The following PCDHGB6 variants were observed in gnomAD, a reference collection of about 807,000 sequenced individuals.
The protein encoded by PCDHGB6 is protocadherin gamma subfamily B, 6.
Under a neutral mutation model 59.1 loss-of-function variants are expected in PCDHGB6, and 51 were observed. The ratio of observed to expected loss-of-function variants is 0.86; its 90% CI spans 0.69 to 1.09. The LOEUF is 1.09. Among genes scored for constraint, PCDHGB6 ranks in the 50% least tolerant of loss-of-function variants. PCDHGB6 has a pLI of 0.00. For synonymous variants in PCDHGB6, 466 were observed against 495.1 expected, an observed-to-expected ratio of 0.94 and a Z score of 0.78; for missense variants, 1,148 against 1,205.1, an observed-to-expected ratio of 0.95 and a Z score of 0.70.
intron 1 of PCDHGB6, among the ~76,000 whole-genome samples, chr5:141,450,829 A>ATTTT (rs373424450): frequency 2.2e-4 from 30 of 135,142 alleles, no homozygotes; most frequent in African/African-American, 6.3e-4. Flanking sequence ...TATTATTATT[A>ATTTT]TTTTTTTTTT....
At chr5:141,420,237 C>A in intron 1 of PCDHGB6, 1 of 1,595,672 alleles carries the variant, frequency 6.3e-7, no homozygotes, top group Non-Finnish European at 8.6e-7. Context: ...AGCATTTTAA[C>A]TCCCAGCGTT....
chr5:141,452,172 T>G (rs1338447268), intron 1 of PCDHGB6, among the ~76,000 whole-genome samples: 1 of 152,206 alleles, frequency 6.6e-6, no homozygotes, highest in Non-Finnish European at 1.5e-5. Flanking sequence ...TTACTAACAT[T>G]TTTTATTTTG....
rs529966095 is a variant in PCDHGB6 at position 141,499,776 on chromosome 5, TC to T, written c.2477+4914del. 3.7e-3 allele frequency among the ~76,000 whole-genome samples: 528 copies of T among 141,410 alleles called. 6 individuals carry two copies. Among genetic ancestry groups the T allele is most frequent in the Non-Finnish European group, 4.2e-3 (282 of 66,550 alleles). The allele number at this position is 141,410 out of a possible 152,430, so 92.8% of individuals were successfully genotyped here. ...ATCTCAGCTCACTGCAGCCTTCGCCTCCCGGGTTCAAGCAATTCTCATGCTT... is the reference window on the plus strand; with the variant it reads ...ATCTCAGCTCACTGCAGCCTTCGCCTCCGGGTTCAAGCAATTCTCATGCTT... On this transcript the variant is annotated intron_variant, in intron 2 of 3. Coordinates refer to ENST00000520790, the MANE Select transcript of PCDHGB6 (RefSeq NM_018926.3).
At chr5:141,508,824 G>T (rs893436748) in intron 3 of PCDHGB6, among the ~76,000 whole-genome samples, 1 of 151,952 alleles carries the variant, frequency 6.6e-6, no homozygotes, top group Non-Finnish European at 1.5e-5. Context: ...CCAGATCTGG[G>T]CCCCCCTCCC....
intron 2 of PCDHGB6, among the ~76,000 whole-genome samples, chr5:141,496,189 G>A (rs1362938002): frequency 1.3e-5 from 2 of 152,004 alleles, no homozygotes; most frequent in Admixed American, 6.6e-5. Flanking sequence ...AGCCCCAGCT[G>A]CTCATTTCAA....
chr5:141,486,153 C>A lies in PCDHGB6; in HGVS notation c.2419-8654C>A, dbSNP rs1330257915. On this transcript the variant is annotated intron_variant, in intron 1 of 3. Coordinates refer to ENST00000520790, the MANE Select transcript of PCDHGB6 (RefSeq NM_018926.3). This position sits in a 1 kb window ranked among gnomAD's most constrained non-coding sequence, Gnocchi z 5.0. ...GATGTGCGGGCTCGCGATGGGGGTTCTCCAGCCATGGAGCAACATTGCAGC... is the reference window on the plus strand; with the variant it reads ...GATGTGCGGGCTCGCGATGGGGGTTATCCAGCCATGGAGCAACATTGCAGC... 6.2e-7 allele frequency: 1 copy of A among 1,614,202 alleles called. No individual in the cohort carries two copies. The highest frequency in any genetic ancestry group is 1.7e-5 in the Admixed American group (1 of 60,022).
rs909255357 is a variant in PCDHGB6 at position 141,489,178 on chromosome 5, C to A, written c.2419-5629C>A. 5 of 1,234,744 alleles carry A rather than the reference C, an allele frequency of 4.0e-6. No individual in the cohort carries two copies. The highest frequency in any genetic ancestry group is 2.3e-5 in the Admixed American group (1 of 42,922). The allele number at this position is 1,234,744 out of a possible 1,614,324, so 76.5% of individuals were successfully genotyped here. Reference sequence around the variant, plus strand: ...GAGACTTCAGCTGCTGCATTCCAAGCCCTGGGTCTACCTTGGAGACAGGAC... The same window carrying A: ...GAGACTTCAGCTGCTGCATTCCAAGACCTGGGTCTACCTTGGAGACAGGAC... On this transcript the variant is annotated intron_variant, in intron 1 of 3. Transcript: ENST00000520790. This position sits in a 1 kb window ranked among gnomAD's most constrained non-coding sequence, Gnocchi z 4.5.
chr5:141,428,446 T>C lies in PCDHGB6; in HGVS notation c.2418+17826T>C, dbSNP rs575475897. On this transcript the variant is annotated intron_variant, in intron 1 of 3. Coordinates refer to ENST00000520790, the MANE Select transcript of PCDHGB6 (RefSeq NM_018926.3). The stretch of plus-strand genomic sequence containing the variant: ...CTGTTCTAAGACTAGACCAGGGGTT[T>C]TTCCCAACTACAATGAGGGAACTTT... 4.2e-5 allele frequency: 16 copies of C among 378,218 alleles called. No homozygotes were observed. The East Asian group carries it at 8.8e-4, about 21-fold the overall frequency. 23.4% of individuals were successfully genotyped at this position (378,218 alleles called of 1,614,324 possible). A position where few individuals can be genotyped will look rare whatever the true frequency, so the allele number is the denominator to read the frequency against.
chr5:141,476,366 G>T lies in PCDHGB6; in HGVS notation c.2419-18441G>T, dbSNP rs1025903110. The T allele has an allele frequency of 6.2e-7, 1 of 1,614,026 alleles. No individual in the cohort carries two copies. The highest frequency in any genetic ancestry group is 8.5e-7 in the Non-Finnish European group (1 of 1,180,028). On this transcript the variant is annotated intron_variant, in intron 1 of 3. Coordinates refer to ENST00000520790, the MANE Select transcript of PCDHGB6 (RefSeq NM_018926.3). The surrounding 1 kb of genome is among the most constrained non-coding windows in gnomAD (Gnocchi z 7.6). The stretch of plus-strand genomic sequence containing the variant: ...ATTCTTTGAGGTGAACCGGGAGACC[G>T]GAGAGATGTTTGTGAACGACCGTCT...
At chr5:141,419,052 C>A (rs1017300472) in intron 1 of PCDHGB6, 6 of 1,613,948 alleles carry the variant, frequency 3.7e-6, no homozygotes, top group East Asian at 2.2e-5. Context: ...CATTCTTCTT[C>A]TAATAATTAC....
chr5:141,419,067 A>C (rs2096321794), intron 1 of PCDHGB6: 2 of 1,613,956 alleles, frequency 1.2e-6, no homozygotes, highest in African/African-American at 1.3e-5. Flanking sequence ...AATTACTACA[A>C]GCTAGTAACA....
Position 141,409,996 on chromosome 5 carries a change from G to C in PCDHGB6, c.1794G>C (p.Ser598=), listed in dbSNP as rs1561724976. 8.7e-6 allele frequency: 14 copies of C among 1,613,014 alleles called. No homozygotes were observed. The Admixed American group carries it at 1.8e-4, about 21-fold the overall frequency. The change falls in exon 1 of 4, where the codon TCG becomes TCC. Residue 598 remains serine (S), a synonymous_variant. Transcript: ENST00000520790. ...VTKVVAVDAD[S]GHNAWLSYHV... is the part of the protein sequence containing the mutation. ...AGGTGGTAGCGGTGGACGCCGACTC[G>C]GGACACAACGCCTGGCTGTCCTACC...
In PCDHGB6 at chr5:141,433,056, G is replaced by T. The variant is rs1422450948; in HGVS notation, c.2418+22436G>T. ...TCCCTCACCACGGACTCGCGGAAGA[G>T]TCACCTGATCTTCCCCCAGCCCAAC... On this transcript the variant is annotated intron_variant, in intron 1 of 3. Coordinates refer to ENST00000520790, the MANE Select transcript of PCDHGB6 (RefSeq NM_018926.3). The T allele has an allele frequency of 6.8e-6, 11 of 1,614,086 alleles. No homozygotes were observed. In the South Asian group the frequency reaches 1.1e-4, roughly 16 times the overall value.
intron 1 of PCDHGB6, among the ~76,000 whole-genome samples, chr5:141,467,320 T>C (rs1593065881): frequency 6.6e-6 from 1 of 152,322 alleles, no homozygotes; most frequent in African/African-American, 2.4e-5. Flanking sequence ...CCCACAGTGC[T>C]GGGATTAGAG....
chr5:141,455,753 G>T (rs2098830630), intron 1 of PCDHGB6, among the ~76,000 whole-genome samples: 1 of 152,074 alleles, frequency 6.6e-6, no homozygotes, highest in Non-Finnish European at 1.5e-5. Flanking sequence ...TGCTGGCCTG[G>T]CTCCTAGAGC....
Position 141,487,463 on chromosome 5 carries a change from G to T in PCDHGB6, c.2419-7344G>T, listed in dbSNP as rs754798527. 1 of 1,614,136 alleles carries T rather than the reference G, an allele frequency of 6.2e-7. No homozygotes were observed. The highest frequency in any genetic ancestry group is 1.7e-5 in the Admixed American group (1 of 60,016). ...GTCAGATGACCCTATCAAGTTTGTT[G>T]ATGTGGGAGGCCACTCTCATGGCTG... On this transcript the variant is annotated intron_variant, in intron 1 of 3. Coordinates refer to ENST00000520790, the MANE Select transcript of PCDHGB6 (RefSeq NM_018926.3). The surrounding 1 kb of genome is among the most constrained non-coding windows in gnomAD (Gnocchi z 5.0).
chr5:141,460,416 A>C (rs966481039), intron 1 of PCDHGB6, among the ~76,000 whole-genome samples: 1 of 152,138 alleles, frequency 6.6e-6, no homozygotes, highest in African/African-American at 2.4e-5. Flanking sequence ...GTTGATGTTT[A>C]TGTATGGTGT....
intron 1 of PCDHGB6, chr5:141,414,687 T>G: frequency 1.2e-6 from 2 of 1,614,004 alleles, no homozygotes; most frequent in East Asian, 4.5e-5. Flanking sequence ...AGGGGGTACC[T>G]CTGTCCTCAT....
chr5:141,437,484 T>C (rs547317864), intron 1 of PCDHGB6, among the ~76,000 whole-genome samples: 2 of 152,332 alleles, frequency 1.3e-5, no homozygotes, highest in South Asian at 4.1e-4. Flanking sequence ...ATATTTAATC[T>C]CGTAGATCAC....
Sources: allele counts gnomAD v4.1 joint callset (sites outside exome capture counted in the v4.1 genomes callset), GRCh38; gene constraint gnomAD v4.1.1; non-coding constraint Gnocchi (gnomAD v3.1); transcripts MANE v1.5; gene names NCBI Gene and HGNC (gene_info 2026-07-23, HGNC 2026-07-21).